Variants in NBAS observed in about 807,000 individuals in gnomAD.
NBAS encodes the protein NAG/BC035112 fusion.
NBAS carries 219 observed loss-of-function variants against 302.5 expected under a neutral mutation model. That is an observed-to-expected ratio of 0.72 (90% CI 0.65 to 0.81). The LOEUF is 0.81. Among genes scored for constraint, NBAS ranks in the 30% least tolerant of loss-of-function variants. NBAS has a pLI of 0.00. For missense variants in NBAS, 2,932 were observed against 2,841.6 expected, an observed-to-expected ratio of 1.03 and a Z score of -0.72; for synonymous variants, 1,118 against 1,021.6, an observed-to-expected ratio of 1.09 and a Z score of -1.80.
chr2:14,817,170 T>A, the NBAS span, among the ~76,000 whole-genome samples: 2 of 152,232 alleles, frequency 1.3e-5, no homozygotes. Context: ...CATAATGTTA[T>A]CATGTGTTAT....
chr2:15,558,763 C>T, intron 1 of NBAS, 129 bp from the exon 2 acceptor site: 1 of 720,600 alleles, frequency 1.4e-6, no homozygotes, highest in Non-Finnish European at 2.4e-6. Flanking sequence ...GAAGCAGTGT[C>T]TTAAAACTAC....
the NBAS span, among the ~76,000 whole-genome samples, chr2:14,991,276 TA>T: frequency 0.31 from 46,093 of 149,918 alleles, 7,422 homozygotes; most frequent in Non-Finnish European, 0.37. Context: ...AATTATAATT[TA>T]AAAAAAAAAC....
the NBAS span, among the ~76,000 whole-genome samples, chr2:14,962,589 CA>C: frequency 6.6e-6 from 1 of 151,832 alleles, no homozygotes; most frequent in East Asian, 1.9e-4. Context: ...CACACTTTAC[CA>C]AAAAAAGCTT....
the NBAS span, among the ~76,000 whole-genome samples, chr2:15,093,510 T>C: frequency 6.0e-4 from 92 of 152,364 alleles, no homozygotes; most frequent in African/African-American, 1.9e-3. Flanking sequence ...ATGTGAAGTA[T>C]TAATTGGTGC....
At chr2:14,947,715 T>G in the NBAS span, among the ~76,000 whole-genome samples, 1 of 152,108 alleles carries the variant, frequency 6.6e-6, no homozygotes, top group Non-Finnish European at 1.5e-5. Flanking sequence ...ATTCCCATTT[T>G]TAGAGAAATA....
At chr2:15,152,565 T>C in the NBAS span, among the ~76,000 whole-genome samples, 12 of 152,194 alleles carry the variant, frequency 7.9e-5, no homozygotes, top group African/African-American at 2.7e-4. Context: ...CATGTCCATA[T>C]GAGGTAAATG....
At chr2:15,011,811 G>A in the NBAS span, among the ~76,000 whole-genome samples, 5 of 151,662 alleles carry the variant, frequency 3.3e-5, no homozygotes, top group African/African-American at 1.2e-4. Flanking sequence ...TCACTAGCAT[G>A]GATTATTGCT....
the NBAS span, among the ~76,000 whole-genome samples, chr2:14,820,582 AGAAT>A: frequency 6.6e-6 from 1 of 152,230 alleles, no homozygotes; most frequent in Non-Finnish European, 1.5e-5. Flanking sequence ...GAAAATGGAA[AGAAT>A]GAATAAGATT....
the NBAS span, among the ~76,000 whole-genome samples, chr2:15,096,304 A>C: frequency 1.3e-5 from 2 of 152,176 alleles, no homozygotes; most frequent in Non-Finnish European, 2.9e-5. Context: ...TCAAAGAGAG[A>C]CAGAGACAAA....
the NBAS span, among the ~76,000 whole-genome samples, chr2:14,945,448 AG>A: frequency 1.3e-5 from 2 of 152,254 alleles, no homozygotes; most frequent in Non-Finnish European, 2.9e-5. Flanking sequence ...GCAAGGAAAC[AG>A]TGACTCATAC....
chr2:15,168,491 C>T (rs1664139996), intron 51 of NBAS, among the ~76,000 whole-genome samples: 1 of 152,228 alleles, frequency 6.6e-6, no homozygotes, highest in Admixed American at 6.5e-5. Context: ...AACATCACCT[C>T]CAATGCCATC....
At chr2:15,014,343 A>T in the NBAS span, among the ~76,000 whole-genome samples, 1 of 152,186 alleles carries the variant, frequency 6.6e-6, no homozygotes, top group Non-Finnish European at 1.5e-5. Context: ...CATAATATAC[A>T]TTCTTTTCAG....
At chr2:15,282,558 G>C (rs568858799) in intron 42 of NBAS, among the ~76,000 whole-genome samples, 2 of 152,220 alleles carry the variant, frequency 1.3e-5, no homozygotes, top group East Asian at 3.9e-4. Context: ...TATGACCTGG[G>C]ACCCTCCCCA....
chr2:14,908,617 G>C, the NBAS span, among the ~76,000 whole-genome samples: 354 of 152,290 alleles, frequency 2.3e-3, 1 homozygote, highest in South Asian at 5.2e-3. Context: ...AATGCCAGGA[G>C]TATTACTACA....
At chr2:15,275,074 T>C (rs750101536) in intron 44 of NBAS, among the ~76,000 whole-genome samples, 1 of 152,112 alleles carries the variant, frequency 6.6e-6, no homozygotes, top group Non-Finnish European at 1.5e-5. Flanking sequence ...TGAGCCGCTA[T>C]GCCCGGCCAA....
chr2:15,304,840 G>T lies in NBAS; in HGVS notation c.4797+3376C>A, dbSNP rs1234231714. On this transcript the variant is annotated intron_variant, in intron 40 of 51. Transcript: ENST00000281513. ...AAAGGTGACTTGGATGCTCTTAAAA[G>T]CAATCAGTTTTATGCATTCACAAAA... is the stretch of plus-strand genomic sequence containing the variant. 3.3e-5 allele frequency among the ~76,000 whole-genome samples: 5 copies of T among 152,180 alleles called. No homozygotes were observed. The East Asian group carries it at 9.6e-4, about 29-fold the overall frequency.
chr2:15,113,320 CGTGTGTGTGTGTGTGT>C, the NBAS span, among the ~76,000 whole-genome samples: 7 of 129,942 alleles, frequency 5.4e-5, no homozygotes, highest in East Asian at 7.3e-4. Flanking sequence ...GGTATGAACT[CGTGTGTGTGTGTGTGT>C]GTGTGTGTGT....
chr2:15,317,128 A>C (rs778446714), intron 38 of NBAS, among the ~76,000 whole-genome samples: 2 of 152,248 alleles, frequency 1.3e-5, no homozygotes, highest in African/African-American at 2.4e-5. Context: ...GACCTCCAGC[A>C]AACTCCAACG....
At position 15,238,458 on chromosome 2, in the gene NBAS, A is replaced by G. The variant is rs868463826; in HGVS notation, c.5943+10T>C. The G allele has an allele frequency of 6.2e-7, 1 of 1,612,546 alleles. No homozygotes were observed. Among genetic ancestry groups the G allele is most frequent in the Non-Finnish European group, 8.5e-7 (1 of 1,178,574 alleles). On this transcript the variant is annotated intron_variant, in intron 45 of 51. Transcript: ENST00000281513. Reference sequence around the variant, plus strand: ...ACAGAGTGAGCATATAGAAGTTCCCATTTCTTTACCTGCTCACTATTCTTC... The same window carrying G: ...ACAGAGTGAGCATATAGAAGTTCCCGTTTCTTTACCTGCTCACTATTCTTC...
Sources: allele counts gnomAD v4.1 joint callset (sites outside exome capture counted in the v4.1 genomes callset), GRCh38; gene constraint gnomAD v4.1.1; transcripts MANE v1.5; gene names NCBI Gene and HGNC (gene_info 2026-07-23, HGNC 2026-07-21).